FAM13C: variants seen among roughly 807,000 people sequenced by gnomAD.
The protein encoded by FAM13C is family with sequence similarity 13 member C.
In FAM13C, 37 loss-of-function variants were observed where a neutral mutation model predicts 73.2. The ratio of observed to expected loss-of-function variants is 0.51; its 90% CI spans 0.39 to 0.67. FAM13C has a LOEUF of 0.67. FAM13C is among the 30% of genes least tolerant of loss of function. The pLI is 0.00. For missense variants in FAM13C, 589 were observed against 715.6 expected (o/e 0.82, Z 2.02); for synonymous variants, 246 against 260.9 (o/e 0.94, Z 0.55).
chr10:59,359,840 T>C (rs895172701), intron 1 of FAM13C, among the ~76,000 whole-genome samples: 1 of 152,244 alleles, frequency 6.6e-6, no homozygotes, highest in African/African-American at 2.4e-5. Context: ...ATATTGATGA[T>C]CAGTTAGCTT....
intron 4 of FAM13C, among the ~76,000 whole-genome samples, chr10:59,313,730 T>C (rs764479409): frequency 6.6e-6 from 1 of 152,166 alleles, no homozygotes; most frequent in Non-Finnish European, 1.5e-5. Flanking sequence ...ACCTGGGCTC[T>C]GTGCAGGATG....
intron 4 of FAM13C, among the ~76,000 whole-genome samples, chr10:59,317,435 C>G (rs1849673771): frequency 6.6e-6 from 1 of 152,218 alleles, no homozygotes; most frequent in East Asian, 1.9e-4. Context: ...ATGTTAAGGA[C>G]AAAGTTTCCT....
intron 3 of FAM13C, among the ~76,000 whole-genome samples, chr10:59,332,729 G>A (rs1259816182): frequency 6.6e-6 from 1 of 152,146 alleles, no homozygotes; most frequent in Admixed American, 6.5e-5. Context: ...ATGGTTAAAT[G>A]GAACAACTGG....
intron 6 of FAM13C, among the ~76,000 whole-genome samples, chr10:59,276,224 T>C (rs1345296415): frequency 6.6e-6 from 1 of 152,186 alleles, no homozygotes; most frequent in Admixed American, 6.5e-5. Flanking sequence ...ATATGCAAGA[T>C]TCTAGAGGGG....
intron 11 of FAM13C, among the ~76,000 whole-genome samples, 163 bp from the exon 12 acceptor site, chr10:59,253,161 G>A (rs530264610): frequency 4.6e-5 from 7 of 152,182 alleles, no homozygotes; most frequent in South Asian, 2.1e-4. Flanking sequence ...GAGCTCTTCC[G>A]CAGTTTCATT....
chr10:59,343,872 A>G (rs12240944), intron 3 of FAM13C, among the ~76,000 whole-genome samples: 8,663 of 152,132 alleles, frequency 0.057, 317 homozygotes, highest in South Asian at 0.1. Flanking sequence ...CTAGCCCACC[A>G]CATGAAATAT....
At chr10:59,326,509 G>A (rs1309839461) in intron 3 of FAM13C, among the ~76,000 whole-genome samples, 1 of 152,160 alleles carries the variant, frequency 6.6e-6, no homozygotes, top group African/African-American at 2.4e-5. Flanking sequence ...GATCATGAAA[G>A]TTCTGATCTA....
At position 59,318,233 on chromosome 10, in the gene FAM13C, A is replaced by C. The variant is rs190696763; in HGVS notation, c.443+5755T>G. ...ATCCTTATGCCAAATTATCAGTGAA[A>C]GTGCTAACAATTTATCAAATGACCA... On this transcript the variant is annotated intron_variant, in intron 4 of 13. Coordinates refer to ENST00000618804, the MANE Select transcript of FAM13C (RefSeq NM_198215.4). Among the ~76,000 whole-genome samples, 605 of 151,194 alleles carry C rather than the reference A, an allele frequency of 4.0e-3. 14 individuals carry two copies. Among genetic ancestry groups the C allele is most frequent in the Non-Finnish European group, 9.7e-4 (66 of 67,996 alleles).
chr10:59,304,028 G>C (rs994528344), intron 4 of FAM13C, among the ~76,000 whole-genome samples: 4 of 152,096 alleles, frequency 2.6e-5, no homozygotes, highest in Admixed American at 1.3e-4. Context: ...GGCACCTGTA[G>C]TCCCAGCTAC....
intron 4 of FAM13C, among the ~76,000 whole-genome samples, chr10:59,311,268 G>T (rs1848885536): frequency 6.6e-6 from 1 of 152,156 alleles, no homozygotes; most frequent in Non-Finnish European, 1.5e-5. Flanking sequence ...CAGAGTGGAG[G>T]TAAAGTAGAC....
chr10:59,250,090 T>C (rs1398959702), intron 13 of FAM13C, among the ~76,000 whole-genome samples: 1 of 152,174 alleles, frequency 6.6e-6, no homozygotes, highest in African/African-American at 2.4e-5. Flanking sequence ...AATGACTGTT[T>C]AGATTTAGAA....
intron 3 of FAM13C, among the ~76,000 whole-genome samples, chr10:59,349,725 T>C (rs1475513491): frequency 1.3e-5 from 2 of 152,196 alleles, no homozygotes; most frequent in Non-Finnish European, 2.9e-5. Context: ...ATCACACCAC[T>C]GTACTCCAGC....
chr10:59,264,008 T>C, intron 9 of FAM13C, 77 bp downstream of exon 9: 1 of 1,334,830 alleles, frequency 7.5e-7, no homozygotes. Context: ...GAAATGAATC[T>C]AAAATGCTCT....
chr10:59,247,714 A>G lies in FAM13C; in HGVS notation c.1658T>C (p.Ile553Thr). 6.2e-7 allele frequency: 1 copy of G among 1,612,742 alleles called. No individual in the cohort carries two copies. The highest frequency in any genetic ancestry group is 8.5e-7 in the Non-Finnish European group (1 of 1,179,358). ...TGRSPQKEDRIPMADEYYEYK... is the reference protein window; with the variant it reads ...TGRSPQKEDRTPMADEYYEYK... ...TTCATAATACTCATCTGCCATTGGT[A>G]TCCTATCTTCCTTTTGTGGACTTCT... Residue 553 changes from isoleucine to threonine, a missense_variant, in exon 14 of 14, where the codon ATA becomes ACA. By Grantham distance (89) the Ile-to-Thr change is moderately conservative. Coordinates refer to ENST00000618804, the MANE Select transcript of FAM13C (RefSeq NM_198215.4).
chr10:59,276,567 C>G (rs1844345142), intron 6 of FAM13C, among the ~76,000 whole-genome samples: 1 of 152,082 alleles, frequency 6.6e-6, no homozygotes, highest in African/African-American at 2.4e-5. Context: ...CCCAAATCAC[C>G]CAAGTAGCAT....
At position 59,283,406 on chromosome 10, in the gene FAM13C, T is replaced by C. The variant is rs1201229312; in HGVS notation, c.549A>G (p.Pro183=). 2.5e-6 allele frequency: 4 copies of C among 1,614,224 alleles called. No homozygotes were observed. The highest frequency in any genetic ancestry group is 3.4e-6 in the Non-Finnish European group (4 of 1,180,028). Residue 183 remains proline, a synonymous_variant, in exon 6 of 14, where the codon CCA becomes CCG. Coordinates refer to ENST00000618804, the MANE Select transcript of FAM13C (RefSeq NM_198215.4). ...CGGCAAGCACGCTCTGGGTTGATGC[T>C]GGCGCCGGGTCCTTGACTCCATGCA... ...AQVHGVKDPA[P]ASTQSVLADG... is the part of the protein sequence containing the mutation.
Position 59,362,531 on chromosome 10 carries a change from C to A in FAM13C, c.-71G>T. Reference sequence around the variant, plus strand: ...AGTTAGAGCACATACACAAACATGGCATTGCAAGGCAAGTCTCCGGGCTCG... The same window carrying A: ...AGTTAGAGCACATACACAAACATGGAATTGCAAGGCAAGTCTCCGGGCTCG... On this transcript the variant is annotated 5_prime_UTR_variant, in exon 1 of 14. The change abolishes an upstream ATG in the 5' untranslated region. Transcript: ENST00000618804. 1 of 1,582,706 alleles carries A rather than the reference C, an allele frequency of 6.3e-7. No individual in the cohort carries two copies. The highest frequency in any genetic ancestry group is 2.3e-5 in the East Asian group (1 of 44,022).
intron 5 of FAM13C, among the ~76,000 whole-genome samples, chr10:59,285,172 A>G (rs549279739): frequency 5.7e-4 from 86 of 152,180 alleles, no homozygotes; most frequent in African/African-American, 1.9e-3. Flanking sequence ...CCCGGCGCAA[A>G]CCTCCTAAGA....
chr10:59,292,727 A>G (rs1302766460), intron 5 of FAM13C, among the ~76,000 whole-genome samples: 2 of 152,252 alleles, frequency 1.3e-5, no homozygotes, highest in Admixed American at 6.5e-5. Context: ...GAATTGACAC[A>G]TAATAATTAT....
Sources: gnomAD v4.1 joint callset for allele counts (sites outside exome capture counted in the v4.1 genomes callset) on GRCh38, gnomAD v4.1.1 for gene constraint, MANE v1.5 for transcripts, NCBI Gene and HGNC (gene_info 2026-07-23, HGNC 2026-07-21) for gene names.